Variants in FCHSD2 observed in about 807,000 individuals in gnomAD.
FCHSD2 encodes FCH and double SH3 domains 2.
FCHSD2 carries 38 observed loss-of-function variants against 108.1 expected under a neutral mutation model. The observed-to-expected ratio is 0.35, with a 90% CI of 0.27 to 0.46. The LOEUF is 0.46. Ranked by LOEUF, FCHSD2 falls within the 20% of genes least tolerant of loss-of-function variation. The pLI, the probability that FCHSD2 is intolerant of heterozygous loss-of-function variation, is 1.00. For missense variants in FCHSD2, 751 were observed against 897.8 expected (o/e 0.84, Z 2.09); for synonymous variants, 279 against 314.7 (o/e 0.89, Z 1.20).
intron 8 of FCHSD2, among the ~76,000 whole-genome samples, chr11:72,960,413 G>A (rs527595471): frequency 3.3e-4 from 50 of 152,258 alleles, no homozygotes; most frequent in African/African-American, 1.2e-3. Context: ...CTAGTCTGCT[G>A]CTCCTTTGGA....
intron 2 of FCHSD2, among the ~76,000 whole-genome samples, chr11:73,104,682 C>T (rs1305524383): frequency 6.6e-6 from 1 of 152,182 alleles, no homozygotes; most frequent in Non-Finnish European, 1.5e-5. Context: ...CATTCTCCTG[C>T]CTCAGCCTCC....
chr11:72,880,239 C>G (rs1176153701), intron 12 of FCHSD2, among the ~76,000 whole-genome samples: 1 of 151,930 alleles, frequency 6.6e-6, no homozygotes, highest in Non-Finnish European at 1.5e-5. Flanking sequence ...CTATCAAAAT[C>G]AATGACATTC....
intron 9 of FCHSD2, among the ~76,000 whole-genome samples, chr11:72,914,647 T>G (rs1472588224): frequency 6.6e-6 from 1 of 152,136 alleles, no homozygotes; most frequent in Non-Finnish European, 1.5e-5. Context: ...GATTCCCTAT[T>G]TAATAAATGG....
At chr11:73,005,831 T>C (rs1333794857) in intron 4 of FCHSD2, among the ~76,000 whole-genome samples, 1 of 151,796 alleles carries the variant, frequency 6.6e-6, no homozygotes, top group African/African-American at 2.4e-5. Context: ...GATGATCTCA[T>C]TCTACAGATG....
intron 18 of FCHSD2, 63 bp from the exon 19 acceptor site, chr11:72,841,022 G>C: frequency 8.0e-7 from 1 of 1,247,704 alleles, no homozygotes; most frequent in Admixed American, 1.8e-5. Context: ...GCTGATGCAA[G>C]GCTGGCATGG....
At chr11:73,085,568 G>A (rs934923352) in intron 2 of FCHSD2, among the ~76,000 whole-genome samples, 9 of 151,968 alleles carry the variant, frequency 5.9e-5, no homozygotes, top group African/African-American at 1.9e-4. Context: ...ACATTCTAAC[G>A]CAACCACATT....
At chr11:72,887,748 T>TA (rs1296962070) in intron 11 of FCHSD2, among the ~76,000 whole-genome samples, 174 bp from the exon 12 acceptor site, 3 of 152,206 alleles carry the variant, frequency 2.0e-5, no homozygotes, top group African/African-American at 7.2e-5. Flanking sequence ...GTAACAAACT[T>TA]ACTACAGACA....
intron 3 of FCHSD2, among the ~76,000 whole-genome samples, chr11:73,054,284 A>G (rs1490039777): frequency 1.3e-5 from 2 of 152,092 alleles, no homozygotes; most frequent in African/African-American, 4.8e-5. Flanking sequence ...CACTGGAATT[A>G]CTTCTCTATT....
intron 3 of FCHSD2, among the ~76,000 whole-genome samples, chr11:73,029,321 C>A (rs377212987): frequency 3.9e-5 from 6 of 152,182 alleles, no homozygotes; most frequent in Non-Finnish European, 8.8e-5. Context: ...CCAACCTAGA[C>A]AACAATCACA....
At chr11:72,965,083 CT>C (rs1303735097) in intron 8 of FCHSD2, among the ~76,000 whole-genome samples, 2 of 152,180 alleles carry the variant, frequency 1.3e-5, no homozygotes, top group Non-Finnish European at 2.9e-5. Flanking sequence ...GCCACCGCGC[CT>C]GGCCAATCAT....
intron 2 of FCHSD2, among the ~76,000 whole-genome samples, chr11:73,120,699 A>C (rs1177343533): frequency 6.6e-6 from 1 of 152,156 alleles, no homozygotes; most frequent in Non-Finnish European, 1.5e-5. Flanking sequence ...ACTGCACTCC[A>C]GCCTGGGCAA....
intron 9 of FCHSD2, among the ~76,000 whole-genome samples, chr11:72,905,345 G>A (rs965675480): frequency 6.6e-6 from 1 of 152,058 alleles, no homozygotes; most frequent in African/African-American, 2.4e-5. Context: ...TTTTGATACA[G>A]GACTACAATG....
At chr11:73,016,163 T>A (rs1197899756) in intron 3 of FCHSD2, among the ~76,000 whole-genome samples, 5 of 151,418 alleles carry the variant, frequency 3.3e-5, no homozygotes, top group African/African-American at 1.2e-4. Context: ...ATTAGCCGGG[T>A]GTGGTAGCAT....
At chr11:72,945,452 T>C (rs139638060) in intron 8 of FCHSD2, among the ~76,000 whole-genome samples, 1 of 152,080 alleles carries the variant, frequency 6.6e-6, no homozygotes, top group Non-Finnish European at 1.5e-5. Context: ...AACCCTAGAA[T>C]AAAAGCTAGG....
chr11:72,877,572 A>G (rs1854995960), intron 12 of FCHSD2, among the ~76,000 whole-genome samples: 1 of 152,214 alleles, frequency 6.6e-6, no homozygotes, highest in Admixed American at 6.5e-5. Flanking sequence ...CAAGAAGCAG[A>G]AAGTCTCTTA....
chr11:72,849,618 C>T (rs1861230654), intron 14 of FCHSD2, 137 bp downstream of exon 14: 3 of 689,944 alleles, frequency 4.3e-6, no homozygotes, highest in Non-Finnish European at 7.4e-6. Context: ...AACTCATCAC[C>T]ATTCTGTTAT....
chr11:73,047,366 G>T (rs964107855), intron 3 of FCHSD2, among the ~76,000 whole-genome samples: 23 of 151,860 alleles, frequency 1.5e-4, no homozygotes, highest in African/African-American at 5.3e-4. Flanking sequence ...CTTATTCAAG[G>T]TTATAAGAAA....
intron 3 of FCHSD2, among the ~76,000 whole-genome samples, chr11:73,040,290 T>G (rs746324977): frequency 6.6e-6 from 1 of 152,192 alleles, no homozygotes; most frequent in African/African-American, 2.4e-5. Context: ...AAGCTGTAAT[T>G]GTTTCGCAGT....
intron 12 of FCHSD2, 24 bp downstream of exon 12, chr11:72,887,446 T>C (rs1855220997): frequency 2.7e-6 from 4 of 1,507,822 alleles, no homozygotes; most frequent in Non-Finnish European, 3.7e-6. Context: ...CTGGGCAAAA[T>C]GCCACAATTA....
Sources: allele counts gnomAD v4.1 joint callset (sites outside exome capture counted in the v4.1 genomes callset), GRCh38; gene constraint gnomAD v4.1.1; transcripts MANE v1.5; gene names NCBI Gene and HGNC (gene_info 2026-07-23, HGNC 2026-07-21).